Variants in ABL2 observed in about 807,000 individuals in gnomAD.
ABL2 encodes the protein tyrosine-protein kinase ABL2.
In ABL2, 49 loss-of-function variants were observed where a neutral mutation model predicts 107.7. The ratio of observed to expected loss-of-function variants is 0.45; its 90% CI spans 0.36 to 0.58. The LOEUF (loss-of-function observed/expected upper bound fraction) is 0.58, where lower values mean the gene tolerates loss of function less well. Among genes scored for constraint, ABL2 ranks in the 20% least tolerant of loss-of-function variants. The probability of loss-of-function intolerance (pLI) is 0.00; values close to 1 mark genes in which losing one functional copy is unlikely to be tolerated. For missense variants in ABL2, 1,245 were observed against 1,457.0 expected, an observed-to-expected ratio of 0.85 and a Z score of 2.37; for synonymous variants, 549 against 548.6, an observed-to-expected ratio of 1.00 and a Z score of -0.01.
chr1:179,129,848 C>T (rs968022885), intron 3 of ABL2, among the ~76,000 whole-genome samples: 1 of 152,124 alleles, frequency 6.6e-6, no homozygotes, highest in East Asian at 1.9e-4. Context: ...GGAGATGATG[C>T]ACTTTTACTT....
chr1:179,134,568 T>G (rs927792290), intron 1 of ABL2, among the ~76,000 whole-genome samples: 1 of 152,174 alleles, frequency 6.6e-6, no homozygotes. Flanking sequence ...CCTACTTTCC[T>G]ATACTTACAG....
chr1:179,127,901 T>C (rs369917164), intron 3 of ABL2, among the ~76,000 whole-genome samples: 21 of 151,816 alleles, frequency 1.4e-4, no homozygotes, highest in East Asian at 7.7e-4. Flanking sequence ...GGTGTGATAG[T>C]CTGCATGCCT....
intron 1 of ABL2, among the ~76,000 whole-genome samples, chr1:179,161,305 C>T (rs530560934): frequency 1.3e-4 from 20 of 149,860 alleles, no homozygotes; most frequent in Non-Finnish European, 2.2e-4. Context: ...ATCACTTGAA[C>T]TCAGGAGTTC....
chr1:179,115,097 G>T, intron 8 of ABL2, 67 bp from the exon 9 acceptor site: 2 of 1,453,814 alleles, frequency 1.4e-6, no homozygotes. Context: ...ATAATTAGGT[G>T]ATTCTCTTTC....
At chr1:179,114,828 C>A in intron 9 of ABL2, 50 bp downstream of exon 9, 1 of 1,539,494 alleles carries the variant, frequency 6.5e-7, no homozygotes, top group African/African-American at 1.4e-5. Flanking sequence ...GTTAACTATT[C>A]TGAACTGCTA....
chr1:179,229,514 T>A lies in ABL2; in HGVS notation c.-117A>T. On this transcript the variant is annotated 5_prime_UTR_variant, in exon 1 of 12. Coordinates refer to ENST00000502732, the MANE Select transcript of ABL2 (RefSeq NM_007314.4). ...TCCCTCCCAGCCCAGGCCCTGGCCC[T>A]GAGTGGCTGGGCCACCGGCGGCTCC... is the stretch of plus-strand genomic sequence containing the variant. 8.5e-7 allele frequency: 1 copy of A among 1,177,994 alleles called. No homozygotes were observed. Among genetic ancestry groups the A allele is most frequent in the Non-Finnish European group, 1.1e-6 (1 of 903,900 alleles). 73.0% of individuals were successfully genotyped at this position (1,177,994 alleles called of 1,614,324 possible).
In ABL2 at chr1:179,126,576, G is replaced by A; in HGVS notation, c.488C>T (p.Thr163Ile). The A allele has an allele frequency of 6.2e-7, 1 of 1,614,198 alleles. No homozygotes were observed. The highest frequency in any genetic ancestry group is 8.5e-7 in the Non-Finnish European group (1 of 1,180,042). The change falls in exon 4 of 12, where the codon ACC (threonine) becomes ATC (isoleucine). Residue 163 changes from threonine (T) to isoleucine (I), a missense_variant. Physicochemically the swap from Thr to Ile is moderately conservative, Grantham distance 89. Transcript: ENST00000502732. This position sits in a 1 kb window ranked among gnomAD's most constrained non-coding sequence, Gnocchi z 4.4. ...GQGWVPSNYI[T>I]PVNSLEKHSW... is the part of the protein sequence containing the mutation. ...GTGTTTTTCCAGGCTGTTCACTGGG[G>A]TGATGTAGTTGCTTGGCACCCAGCC...
At position 179,120,181 on chromosome 1, in the gene ABL2, G is replaced by T. The variant is rs1412446006; in HGVS notation, c.1045+9C>A. On this transcript the variant is annotated intron_variant, in intron 6 of 11. Transcript: ENST00000502732. ...GGAGGAAATCTATGGTTCAGGCAAG[G>T]TTCCTCACCTAAAAGTTGTACCAGA... The T allele has an allele frequency of 6.3e-7, 1 of 1,581,488 alleles. No homozygotes were observed. The highest frequency in any genetic ancestry group is 1.1e-5 in the South Asian group (1 of 87,404).
intron 1 of ABL2, among the ~76,000 whole-genome samples, chr1:179,160,217 T>C (rs1658977808): frequency 6.6e-6 from 1 of 151,968 alleles, no homozygotes; most frequent in South Asian, 2.1e-4. Context: ...CTCATAAATA[T>C]TAAGTATCTA....
At chr1:179,212,728 C>T (rs1662342308) in intron 1 of ABL2, among the ~76,000 whole-genome samples, 1 of 145,646 alleles carries the variant, frequency 6.9e-6, no homozygotes, top group Non-Finnish European at 1.5e-5. Context: ...GGCAAAACTC[C>T]GTCTCAAAAA....
chr1:179,223,640 GA>G, intron 1 of ABL2, among the ~76,000 whole-genome samples: 1 of 151,468 alleles, frequency 6.6e-6, no homozygotes. Context: ...TCTAACAGCT[GA>G]TTTTTTTTTA....
intron 1 of ABL2, among the ~76,000 whole-genome samples, chr1:179,194,262 T>C (rs1014647423): frequency 1.3e-5 from 2 of 152,164 alleles, no homozygotes; most frequent in African/African-American, 4.8e-5. Flanking sequence ...AAGAATCTTG[T>C]TACATGAGCA....
chr1:179,148,769 G>A (rs903164534), intron 1 of ABL2, among the ~76,000 whole-genome samples: 4 of 151,908 alleles, frequency 2.6e-5, no homozygotes, highest in Admixed American at 2.0e-4. Flanking sequence ...GTGTGGTGGT[G>A]CATACCTGTA....
Position 179,154,890 on chromosome 1 carries a change from C to T in ABL2, c.158-21516G>A, listed in dbSNP as rs28914501. On this transcript the variant is annotated intron_variant, in intron 1 of 11. Transcript: ENST00000502732. Reference sequence around the variant, plus strand: ...CTGTTAGCATTTGACAGTATGATCACGGATTTTCCTCTGTATTTAATCACT... The same window carrying T: ...CTGTTAGCATTTGACAGTATGATCATGGATTTTCCTCTGTATTTAATCACT... 2.5e-3 allele frequency among the ~76,000 whole-genome samples: 375 copies of T among 152,288 alleles called. 1 individual carries two copies. The highest frequency in any genetic ancestry group is 8.7e-3 in the African/African-American group (362 of 41,558).
At chr1:179,169,727 T>C (rs983348874) in intron 1 of ABL2, among the ~76,000 whole-genome samples, 2 of 152,086 alleles carry the variant, frequency 1.3e-5, no homozygotes, top group African/African-American at 4.8e-5. Flanking sequence ...TGCAATAACA[T>C]AATGCCACAG....
At chr1:179,221,975 T>A (rs1039710931) in intron 1 of ABL2, 2 of 227,440 alleles carry the variant, frequency 8.8e-6, no homozygotes, top group Non-Finnish European at 2.0e-5. Flanking sequence ...AAGTGGACAT[T>A]CATATTCCAG....
At chr1:179,174,883 G>C (rs1223900168) in intron 1 of ABL2, among the ~76,000 whole-genome samples, 1 of 120,402 alleles carries the variant, frequency 8.3e-6, no homozygotes, top group Non-Finnish European at 1.6e-5. Context: ...TGACAGAGCA[G>C]AGACTCTGTC....
At chr1:179,163,573 C>T (rs2793791) in intron 1 of ABL2, among the ~76,000 whole-genome samples, 32,784 of 151,904 alleles carry the variant, frequency 0.22, 4,487 homozygotes, top group East Asian at 0.36. Flanking sequence ...ATGGTGAAAC[C>T]CTGTCTCTAC....
intron 10 of ABL2, among the ~76,000 whole-genome samples, chr1:179,111,777 C>T (rs1287237399): frequency 6.6e-6 from 1 of 152,158 alleles, no homozygotes; most frequent in Non-Finnish European, 1.5e-5. Flanking sequence ...GGCGCTGTGG[C>T]TCACACATGT....
Sources: gnomAD v4.1 joint callset for allele counts (sites outside exome capture counted in the v4.1 genomes callset) on GRCh38, gnomAD v4.1.1 for gene constraint, Gnocchi (gnomAD v3.1) non-coding constraint, MANE v1.5 for transcripts, NCBI Gene and HGNC (gene_info 2026-07-23, HGNC 2026-07-21) for gene names.